The following TNRC6A variants were observed in gnomAD, a reference collection of about 807,000 sequenced individuals.
TNRC6A encodes the protein trinucleotide repeat containing adaptor 6A.
A neutral mutation model predicts 221.2 loss-of-function variants in TNRC6A; 44 were observed. That is an observed-to-expected ratio of 0.20 (90% CI 0.16 to 0.26). The LOEUF is 0.26. TNRC6A is among the 10% of genes least tolerant of loss of function. The pLI is 1.00. For missense variants in TNRC6A, 2,199 were observed against 2,404.4 expected (o/e 0.91, Z 1.79); for synonymous variants, 847 against 838.5 (o/e 1.01, Z -0.18).
intron 1 of TNRC6A, among the ~76,000 whole-genome samples, chr16:24,611,433 A>G (rs1900051800): frequency 1.3e-5 from 2 of 152,166 alleles, no homozygotes; most frequent in Non-Finnish European, 2.9e-5. Flanking sequence ...TCTTGGCTCC[A>G]CACCCCAGCT....
At chr16:24,654,224 C>T (rs1187256087) in intron 2 of TNRC6A, among the ~76,000 whole-genome samples, 1 of 152,162 alleles carries the variant, frequency 6.6e-6, no homozygotes, top group Non-Finnish European at 1.5e-5. Flanking sequence ...CTGCACTTGG[C>T]TTATTAGCCA....
At chr16:24,622,733 G>A (rs1258000642) in intron 1 of TNRC6A, among the ~76,000 whole-genome samples, 1 of 152,160 alleles carries the variant, frequency 6.6e-6, no homozygotes, top group Non-Finnish European at 1.5e-5. Flanking sequence ...AGCAAAACTA[G>A]CCAGAAGCAA....
At chr16:24,821,312 C>G (rs2058761309) in intron 22 of TNRC6A, among the ~76,000 whole-genome samples, 1 of 152,154 alleles carries the variant, frequency 6.6e-6, no homozygotes, top group Non-Finnish European at 1.5e-5. Context: ...GAACCCACCC[C>G]AGGGAGGCTT....
chr16:24,764,101 A>G (rs1339052099), intron 4 of TNRC6A, among the ~76,000 whole-genome samples: 7 of 150,130 alleles, frequency 4.7e-5, no homozygotes, highest in Non-Finnish European at 1.0e-4. Context: ...ACCTATATCT[A>G]CCCTCCCTAA....
chr16:24,625,737 C>CAAAAAAAAAA (rs749882396), intron 1 of TNRC6A, among the ~76,000 whole-genome samples: 2 of 24,050 alleles, frequency 8.3e-5, no homozygotes, highest in African/African-American at 3.0e-4. Context: ...CGTCTCAAAA[C>CAAAAAAAAAA]AAAAAAAAAA....
intron 2 of TNRC6A, among the ~76,000 whole-genome samples, chr16:24,669,505 A>G (rs1303058369): frequency 4.0e-5 from 6 of 151,190 alleles, no homozygotes; most frequent in Non-Finnish European, 8.8e-5. Context: ...AAAAAATCCT[A>G]TAGCTCCCAT....
At position 24,805,077 on chromosome 16, in the gene TNRC6A, C is replaced by G. The variant is rs1247711443; in HGVS notation, c.4048C>G (p.Pro1350Ala). Residue 1350 changes from proline to alanine, a missense_variant, in exon 14 of 25, where the codon CCT (proline) becomes GCT (alanine). By Grantham distance (27) the Pro-to-Ala change is conservative. Around this residue, in one of 8 missense-constraint regions of TNRC6A, gnomAD observed 449 missense variants for 579.7 expected, o/e 0.77. Coordinates refer to ENST00000395799, the MANE Select transcript of TNRC6A (RefSeq NM_014494.4). ...AGCACAACCCCGGGGCATGCAGCAG[C>G]CTCCAGCACAACCTCTTAGTTCATC... ...TAAQPRGMQQ[P>A]PAQPLSSSQP... 1.2e-6 allele frequency: 2 copies of G among 1,614,226 alleles called. No homozygotes were observed. The highest frequency in any genetic ancestry group is 4.5e-5 in the East Asian group (2 of 44,890).
intron 18 of TNRC6A, among the ~76,000 whole-genome samples, chr16:24,810,059 T>C (rs1462169300): frequency 6.6e-6 from 1 of 152,226 alleles, no homozygotes; most frequent in Non-Finnish European, 1.5e-5. Flanking sequence ...GTGATCCATC[T>C]GCCTTGGTCT....
chr16:24,813,274 T>C (rs1226553751), intron 18 of TNRC6A, among the ~76,000 whole-genome samples: 1 of 152,160 alleles, frequency 6.6e-6, no homozygotes, highest in Admixed American at 6.5e-5. Context: ...AGATTGGGCT[T>C]CCAGTAAGCC....
intron 11 of TNRC6A, among the ~76,000 whole-genome samples, chr16:24,803,277 G>T (rs1281317995): frequency 6.6e-6 from 1 of 151,752 alleles, no homozygotes; most frequent in Non-Finnish European, 1.5e-5. Context: ...AAATTAGCTG[G>T]GTGTGGTGGT....
intron 11 of TNRC6A, 74 bp from the exon 12 acceptor site, chr16:24,804,103 T>C: frequency 1.4e-6 from 2 of 1,469,598 alleles, no homozygotes; most frequent in Non-Finnish European, 1.8e-6. Flanking sequence ...GTGAGTGTTT[T>C]GCTTTTGTTG....
intron 2 of TNRC6A, among the ~76,000 whole-genome samples, chr16:24,709,097 A>C (rs2142288864): frequency 6.6e-6 from 1 of 152,172 alleles, no homozygotes; most frequent in South Asian, 2.1e-4. Flanking sequence ...TCTCTACTAA[A>C]AATACAACAA....
intron 2 of TNRC6A, among the ~76,000 whole-genome samples, chr16:24,651,263 G>T (rs1215097484): frequency 6.6e-6 from 1 of 151,908 alleles, no homozygotes; most frequent in Non-Finnish European, 1.5e-5. Context: ...CATTCGCCAG[G>T]CGCCGTGCCT....
chr16:24,721,195 A>T (rs1291784551), intron 2 of TNRC6A, among the ~76,000 whole-genome samples: 1 of 152,188 alleles, frequency 6.6e-6, no homozygotes, highest in Non-Finnish European at 1.5e-5. Context: ...CATGTTTTCT[A>T]GTTTCTTATA....
intron 1 of TNRC6A, among the ~76,000 whole-genome samples, chr16:24,614,136 G>A (rs1419939331): frequency 2.0e-5 from 3 of 152,202 alleles, no homozygotes; most frequent in African/African-American, 7.2e-5. Context: ...AGGGGCAATT[G>A]AAATTGACCA....
At chr16:24,779,971 T>C (rs556442623) in intron 5 of TNRC6A, among the ~76,000 whole-genome samples, 138 of 152,294 alleles carry the variant, frequency 9.1e-4, no homozygotes, top group African/African-American at 3.1e-3. Context: ...TGGTTTAAAT[T>C]GAGACTTGAG....
intron 4 of TNRC6A, among the ~76,000 whole-genome samples, chr16:24,768,479 G>C (rs1215365126): frequency 6.6e-6 from 1 of 150,922 alleles, no homozygotes; most frequent in Non-Finnish European, 1.5e-5. Flanking sequence ...AAGATACTTA[G>C]GAAAATCCTT....
rs950708101 is a variant in TNRC6A at position 24,640,729 on chromosome 16, GAAAA to G, written n.277-150_277-147del. Among the ~76,000 whole-genome samples the G allele has an allele frequency of 4.0e-5, 6 of 150,762 alleles. No homozygotes were observed. In the South Asian group the frequency reaches 1.3e-3, roughly 32 times the overall value. ...GGGCGACAAAAAAAAAAAAAAGAAAGAAAAAAAAGAAAGGGATGAAATTAAAGTT... is the reference window on the plus strand; with the variant it reads ...GGGCGACAAAAAAAAAAAAAAGAAAGAAAAGAAAGGGATGAAATTAAAGTT... On this transcript the variant is annotated intron_variant and non_coding_transcript_variant, in intron 1 of 2. Coordinates refer to the TNRC6A transcript ENST00000566108.
chr16:24,680,574 G>A (rs566337298), intron 2 of TNRC6A, among the ~76,000 whole-genome samples: 2 of 151,942 alleles, frequency 1.3e-5, no homozygotes, highest in African/African-American at 4.8e-5. Context: ...AAAATTAGCT[G>A]GGTGTGGTGG....
Sources: gnomAD v4.1 joint callset for allele counts (sites outside exome capture counted in the v4.1 genomes callset) on GRCh38, gnomAD v4.1.1 for gene constraint, gnomAD v4.1.1 regional missense constraint, MANE v1.5 for transcripts, NCBI Gene and HGNC (gene_info 2026-07-23, HGNC 2026-07-21) for gene names.